The following NPL variants were observed in gnomAD, a reference collection of about 807,000 sequenced individuals.
NPL encodes N-acetylneuraminate lyase.
NPL carries 32 observed loss-of-function variants against 41.1 expected under a neutral mutation model. That is an observed-to-expected ratio of 0.78 (90% CI 0.59 to 1.05). The LOEUF (loss-of-function observed/expected upper bound fraction) is 1.05, where lower values mean the gene tolerates loss of function less well. NPL is among the 50% of genes least tolerant of loss of function. The pLI, the probability that NPL is intolerant of heterozygous loss-of-function variation, is 0.00. For synonymous variants in NPL, 128 were observed against 134.9 expected (o/e 0.95, Z 0.35); for missense variants, 321 against 378.4 (o/e 0.85, Z 1.26).
intron 8 of NPL, 118 bp from the exon 9 acceptor site, chr1:182,818,423 C>T: frequency 7.8e-7 from 1 of 1,284,528 alleles, no homozygotes; most frequent in African/African-American, 1.5e-5. Context: ...TATGCCTAGT[C>T]TGCAGTCAGT....
chr1:182,805,575 A>G (rs1666980503), intron 4 of NPL, among the ~76,000 whole-genome samples: 1 of 152,224 alleles, frequency 6.6e-6, no homozygotes, highest in Non-Finnish European at 1.5e-5. Context: ...GAGAAAAATA[A>G]TTTCTACTTT....
In NPL at chr1:182,829,203, GTCTTTAGGAGC is replaced by G. The variant is rs550773431; in HGVS notation, c.*299_*309del. 1.6e-4 allele frequency: 201 copies of G among 1,250,550 alleles called. No individual in the cohort carries two copies. The highest frequency in any genetic ancestry group is 4.9e-5 in the Non-Finnish European group (49 of 994,776). The allele number at this position is 1,250,550 out of a possible 1,614,324, so 77.5% of individuals were successfully genotyped here. A position where few individuals can be genotyped will look rare whatever the true frequency, so the allele number is the denominator to read the frequency against. ...AAATTGTAATTGATTAATTCCATCT[GTCTTTAGGAGC>G]TCTCATTATCTCGGTCTCTGGTTCC... is the stretch of plus-strand genomic sequence containing the variant. On this transcript the variant is annotated 3_prime_UTR_variant, in exon 13 of 13. Transcript: ENST00000367553.
chr1:182,821,976 C>T (rs1667498489), intron 10 of NPL, 139 bp from the exon 11 acceptor site: 1 of 707,948 alleles, frequency 1.4e-6, no homozygotes, highest in African/African-American at 1.8e-5. Flanking sequence ...CAGTCTTGTC[C>T]CCTAATAGAT....
intron 5 of NPL, among the ~76,000 whole-genome samples, chr1:182,808,134 C>A (rs1667075558): frequency 6.6e-6 from 1 of 152,152 alleles, no homozygotes; most frequent in Admixed American, 6.5e-5. Context: ...CTGTGTGCTT[C>A]ATCCCTAAAA....
intron 3 of NPL, among the ~76,000 whole-genome samples, chr1:182,794,679 T>C (rs1666608541): frequency 6.6e-6 from 1 of 152,200 alleles, no homozygotes; most frequent in Non-Finnish European, 1.5e-5. Flanking sequence ...AGGTGAGAAA[T>C]GGCAGCTTGC....
chr1:182,802,576 G>A (rs6701846), intron 3 of NPL, among the ~76,000 whole-genome samples: 35,692 of 152,072 alleles, frequency 0.23, 7,465 homozygotes, highest in African/African-American at 0.56. Context: ...ACAAAAGTGC[G>A]GTGGCAGCCA....
chr1:182,791,953 A>G (rs1391212025), intron 1 of NPL, among the ~76,000 whole-genome samples: 1 of 152,210 alleles, frequency 6.6e-6, no homozygotes, highest in Non-Finnish European at 1.5e-5. Context: ...ATAGCAGGGG[A>G]AGAAGATAAC....
intron 5 of NPL, 148 bp downstream of exon 5, chr1:182,806,380 C>T (rs1241605837): frequency 6.5e-7 from 1 of 1,546,640 alleles, no homozygotes; most frequent in Non-Finnish European, 8.7e-7. Context: ...CCCCGGGATC[C>T]TGGCTTCTTG....
At chr1:182,803,529 C>CA (rs1185192252) in intron 3 of NPL, among the ~76,000 whole-genome samples, 169 bp from the exon 4 acceptor site, 1 of 147,254 alleles carries the variant, frequency 6.8e-6, no homozygotes, top group East Asian at 2.0e-4. Context: ...TCACCAGATT[C>CA]AGGGGGGGAA....
Position 182,806,173 on chromosome 1 carries a change from C to T in NPL, c.171C>T (p.Ser57=). 6.2e-7 allele frequency: 1 copy of T among 1,614,162 alleles called. No individual in the cohort carries two copies. The highest frequency in any genetic ancestry group is 1.3e-5 in the African/African-American group (1 of 75,026). The change falls in exon 5 of 13, where the codon TCC becomes TCT. Residue 57 remains serine, a synonymous_variant. Coordinates refer to ENST00000367553, the MANE Select transcript of NPL (RefSeq NM_030769.3). ...ATGGCACAACAGGAGAAGGCCTGTCCCTGAGCGTCTCAGAGCGTCGCCAGG... is the reference window on the plus strand; with the variant it reads ...ATGGCACAACAGGAGAAGGCCTGTCTCTGAGCGTCTCAGAGCGTCGCCAGG... ...FVNGTTGEGL[S]LSVSERRQVA...
intron 3 of NPL, 119 bp downstream of exon 3, chr1:182,794,558 A>T: frequency 1.0e-6 from 1 of 1,004,632 alleles, no homozygotes; most frequent in Non-Finnish European, 1.6e-6. Context: ...GCCAAAAGGC[A>T]GCTTCTGTCT....
In NPL at chr1:182,790,650, T is replaced by TTGTTGTTGC. The variant is rs1486803874; in HGVS notation, c.-72+852_-72+853insGCTGTTGTT. The stretch of plus-strand genomic sequence containing the variant: ...GTTGTTGTTGTTGTTGTTGTTGTTG[T>TTGTTGTTGC]TGTTGTTTTTGAGACGGAGTCTCGC... On this transcript the variant is annotated intron_variant, in intron 1 of 12. Coordinates refer to ENST00000367553, the MANE Select transcript of NPL (RefSeq NM_030769.3). Among the ~76,000 whole-genome samples the TTGTTGTTGC allele has an allele frequency of 2.1e-5, 3 of 145,610 alleles. No homozygotes were observed. In the East Asian group the frequency reaches 5.8e-4, roughly 28 times the overall value.
intron 6 of NPL, among the ~76,000 whole-genome samples, chr1:182,813,252 T>C (rs1038465211): frequency 3.9e-5 from 6 of 152,178 alleles, no homozygotes; most frequent in Non-Finnish European, 2.9e-5. Context: ...AACTTAGATA[T>C]TCTACCTCTA....
intron 5 of NPL, chr1:182,809,933 G>A (rs1348781784): frequency 6.6e-6 from 1 of 152,232 alleles, no homozygotes; most frequent in East Asian, 1.9e-4. Flanking sequence ...AGTGAAGGGA[G>A]GGGTCGTGCA....
Position 182,814,819 on chromosome 1 carries a change from G to T in NPL, c.325G>T (p.Ala109Ser), listed in dbSNP as rs758107395. 1.2e-6 allele frequency: 2 copies of T among 1,614,016 alleles called. No homozygotes were observed. Among genetic ancestry groups the T allele is most frequent in the Middle Eastern group, 1.7e-4 (1 of 6,056 alleles). Residue 109 changes from alanine to serine, a missense_variant, in exon 7 of 13, where the codon GCT becomes TCT. Ala to Ser is a moderately conservative substitution (Grantham distance 99, BLOSUM62 1). Coordinates refer to ENST00000367553, the MANE Select transcript of NPL (RefSeq NM_030769.3). The part of the protein sequence containing the change: ...HAAEIGADGI[A>S]VIAPFFLKPW... ...AGCAGAAATAGGAGCTGATGGCATC[G>T]CTGTCATTGCACCGTTCTTCCTCAA... is the stretch of plus-strand genomic sequence containing the variant.
chr1:182,796,821 G>T (rs764204200), intron 3 of NPL, among the ~76,000 whole-genome samples: 33 of 152,248 alleles, frequency 2.2e-4, no homozygotes, highest in Non-Finnish European at 4.1e-4. Flanking sequence ...CGGATCACAA[G>T]GTCAAGAGAT....
intron 8 of NPL, among the ~76,000 whole-genome samples, chr1:182,817,454 T>C (rs563008297): frequency 3.3e-5 from 5 of 152,320 alleles, no homozygotes; most frequent in African/African-American, 1.2e-4. Context: ...TGTGTGGGCA[T>C]TTCTCCCCAC....
chr1:182,826,012 C>A, intron 12 of NPL, 192 bp downstream of exon 12: 1 of 638,770 alleles, frequency 1.6e-6, no homozygotes, highest in South Asian at 1.8e-5. Flanking sequence ...AAATCTTTGG[C>A]AACCTTCTCC....
At position 182,799,555 on chromosome 1, in the gene NPL, A is replaced by G. The variant is rs146494236; in HGVS notation, c.69-4143A>G. Among the ~76,000 whole-genome samples, 756 of 152,078 alleles carry G rather than the reference A, an allele frequency of 5.0e-3. 3 individuals carry two copies. Among genetic ancestry groups the G allele is most frequent in the South Asian group, 0.017 (83 of 4,814 alleles). On this transcript the variant is annotated intron_variant, in intron 3 of 12. Coordinates refer to ENST00000367553, the MANE Select transcript of NPL (RefSeq NM_030769.3). ...TGAGTGGGTTTTCTTTTTTTATTGT[A>G]TGTACTTTCTAAAGTAAACTATATA...
Sources: gnomAD v4.1 joint callset for allele counts (sites outside exome capture counted in the v4.1 genomes callset) on GRCh38, gnomAD v4.1.1 for gene constraint, MANE v1.5 for transcripts, NCBI Gene and HGNC (gene_info 2026-07-23, HGNC 2026-07-21) for gene names.